HMGCS2: variants seen among roughly 807,000 people sequenced by gnomAD.
HMGCS2 encodes the protein hydroxymethylglutaryl-CoA synthase, mitochondrial.
In HMGCS2, 50 loss-of-function variants were observed where a neutral mutation model predicts 57.4. The ratio of observed to expected loss-of-function variants is 0.87; its 90% CI spans 0.69 to 1.10. The LOEUF (loss-of-function observed/expected upper bound fraction) is 1.10, where lower values mean the gene tolerates loss of function less well. Ranked by LOEUF, HMGCS2 falls within the 50% of genes least tolerant of loss-of-function variation. The pLI is 0.00. For missense variants in HMGCS2, 627 were observed against 636.5 expected (o/e 0.99, Z 0.16); for synonymous variants, 254 against 245.1 (o/e 1.04, Z -0.34).
In HMGCS2 at chr1:119,764,197, G is replaced by A. The variant is rs752729912; in HGVS notation, c.534C>T (p.Asn178=). 7.4e-6 allele frequency: 12 copies of A among 1,613,604 alleles called. No individual in the cohort carries two copies. In the South Asian group the frequency reaches 1.2e-4, roughly 16 times the overall value. Residue 178 remains asparagine, a synonymous_variant, in exon 2 of 10, where the codon AAC becomes AAT. Transcript: ENST00000369406. ...GGTASLFNAA[N]WMESSSWDGR... ...CATCCCAGGAACTGGACTCCATCCA[G>A]TTGGCAGCATTGAAGAGGGAGGCAG...
chr1:119,757,237 T>C, intron 5 of HMGCS2, 36 bp downstream of exon 5: 1 of 1,613,732 alleles, frequency 6.2e-7, no homozygotes, highest in Non-Finnish European at 8.5e-7. Context: ...TGCTCACACC[T>C]CACCAGCCTC....
intron 2 of HMGCS2, 24 bp downstream of exon 2, chr1:119,764,148 C>G: frequency 6.2e-7 from 1 of 1,603,370 alleles, no homozygotes; most frequent in East Asian, 2.2e-5. Context: ...ACCTTTCTTA[C>G]ATAAGGTTCG....
At chr1:119,751,726 T>C (rs587675989) in intron 8 of HMGCS2, among the ~76,000 whole-genome samples, 6 of 152,284 alleles carry the variant, frequency 3.9e-5, no homozygotes, top group Admixed American at 2.6e-4. Context: ...ATTTTCATTG[T>C]CTTTCTTTGC....
At position 119,752,572 on chromosome 1, in the gene HMGCS2, T is replaced by A; in HGVS notation, c.1397A>T (p.Gln466Leu). ...ACCCTTATGGTAGAATTGCTCTCTTTGGTTCATTATTTCTGTGAACTCCTC... is the reference window on the plus strand; with the variant it reads ...ACCCTTATGGTAGAATTGCTCTCTTAGGTTCATTATTTCTGTGAACTCCTC... ...SPEEFTEIMN[Q>L]REQFYHKVNF... Residue 466 changes from glutamine to leucine, a missense_variant, in exon 8 of 10, where the codon CAA (glutamine) becomes CTA (leucine). Coordinates refer to ENST00000369406, the MANE Select transcript of HMGCS2 (RefSeq NM_005518.4). 1 of 1,614,172 alleles carries A rather than the reference T, an allele frequency of 6.2e-7. No homozygotes were observed. The highest frequency in any genetic ancestry group is 8.5e-7 in the Non-Finnish European group (1 of 1,180,016).
chr1:119,752,247 C>T (rs1411610205), intron 8 of HMGCS2, among the ~76,000 whole-genome samples: 2 of 152,162 alleles, frequency 1.3e-5, no homozygotes, highest in Non-Finnish European at 2.9e-5. Flanking sequence ...ACTCTTTCAA[C>T]TGTTGCAGAT....
chr1:119,767,055 G>A (rs1297735266), intron 1 of HMGCS2, among the ~76,000 whole-genome samples: 5 of 152,082 alleles, frequency 3.3e-5, no homozygotes, highest in African/African-American at 9.7e-5. Flanking sequence ...CTTCCCTTGT[G>A]TTTCAAAATT....
rs1652953530 is a variant in HMGCS2 at position 119,759,217 on chromosome 1, G to C, written c.751C>G (p.Pro251Ala). The change falls in exon 4 of 10, where the codon CCA (proline) becomes GCA (alanine). Residue 251 changes from proline to alanine, a missense_variant. Pro to Ala is a conservative substitution (Grantham distance 27). Transcript: ENST00000369406. The part of the protein sequence containing the change: ...FYKPNLASEY[P>A]IVDGKLSIQC... ...ATGGAAAGCTTCCCATCCACTATTG[G>C]GTACTCCGAGGCCAAATTTGGTTTG... 6.2e-7 allele frequency: 1 copy of C among 1,614,044 alleles called. No individual in the cohort carries two copies. Among genetic ancestry groups the C allele is most frequent in the East Asian group, 2.2e-5 (1 of 44,882 alleles).
In HMGCS2 at chr1:119,752,432, C is replaced by A. The variant is rs1571030385; in HGVS notation, c.1420+117G>T. 7 of 1,142,332 alleles carry A rather than the reference C, an allele frequency of 6.1e-6. No individual in the cohort carries two copies. The East Asian group carries it at 1.7e-4, about 27-fold the overall frequency. The allele number at this position is 1,142,332 out of a possible 1,614,324, so 70.8% of individuals were successfully genotyped here. On this transcript the variant is annotated intron_variant, in intron 8 of 9. Transcript: ENST00000369406. ...GATCTTCTAGCAAATCTTCTCCCAA[C>A]CATATCTCGTAAAAGTCTTGACCCT...
intron 5 of HMGCS2, among the ~76,000 whole-genome samples, chr1:119,757,019 C>T (rs1477332913): frequency 7.1e-6 from 1 of 140,110 alleles, no homozygotes; most frequent in Non-Finnish European, 1.6e-5. Context: ...TTTCTTTATC[C>T]TCTGTAGTTT....
rs767113695 is a variant in HMGCS2 at position 119,759,214 on chromosome 1, T to C, written c.754A>G (p.Ile252Val). 44 of 1,614,002 alleles carry C rather than the reference T, an allele frequency of 2.7e-5. No individual in the cohort carries two copies. Among genetic ancestry groups the C allele is most frequent in the Non-Finnish European group, 3.6e-5 (42 of 1,179,960 alleles). ...TGGATGGAAAGCTTCCCATCCACTA[T>C]TGGGTACTCCGAGGCCAAATTTGGT... ...YKPNLASEYP[I>V]VDGKLSIQCY... The change falls in exon 4 of 10, where the codon ATA becomes GTA. Residue 252 changes from isoleucine to valine, a missense_variant. Transcript: ENST00000369406.
intron 4 of HMGCS2, among the ~76,000 whole-genome samples, chr1:119,757,736 C>T (rs748514816): frequency 6.6e-6 from 1 of 152,150 alleles, no homozygotes; most frequent in African/African-American, 2.4e-5. Flanking sequence ...GAGGAGGAAC[C>T]GGTCTACAAA....
At position 119,768,754 on chromosome 1, in the gene HMGCS2, C is replaced by T. The variant is rs1244351356; in HGVS notation, c.91G>A (p.Val31Ile). 3 of 1,613,474 alleles carry T rather than the reference C, an allele frequency of 1.9e-6. No homozygotes were observed. The highest frequency in any genetic ancestry group is 2.5e-6 in the Non-Finnish European group (3 of 1,179,414). ...TSLTPARLLP[V>I]AHQRFSTASA... The stretch of plus-strand genomic sequence containing the variant: ...AAAGTGACTCACCTTTGGTGGGCTA[C>T]TGGGAGCAGGCGAGCAGGTGTGAGG... The change falls in exon 1 of 10, where the codon GTA (valine) becomes ATA (isoleucine). Residue 31 changes from valine to isoleucine, a missense_variant. Coordinates refer to ENST00000369406, the MANE Select transcript of HMGCS2 (RefSeq NM_005518.4).
intron 9 of HMGCS2, among the ~76,000 whole-genome samples, chr1:119,750,300 A>G (rs1652606991): frequency 6.6e-6 from 1 of 152,156 alleles, no homozygotes; most frequent in African/African-American, 2.4e-5. Context: ...AGATCTGTTG[A>G]TCTCATCCCC....
At chr1:119,759,431 A>C in intron 3 of HMGCS2, 149 bp from the exon 4 acceptor site, 1 of 776,374 alleles carries the variant, frequency 1.3e-6, no homozygotes, top group South Asian at 1.5e-5. Context: ...TGCATATTCA[A>C]AAGGAGTTGG....
At position 119,759,876 on chromosome 1, in the gene HMGCS2, C is replaced by T. The variant is rs1284518599; in HGVS notation, c.673G>A (p.Ala225Thr). 1.2e-6 allele frequency: 2 copies of T among 1,614,182 alleles called. No homozygotes were observed. The highest frequency in any genetic ancestry group is 1.6e-4 in the Middle Eastern group (1 of 6,062). The change falls in exon 3 of 10, where the codon GCC becomes ACC. Residue 225 changes from alanine to threonine, a missense_variant. By Grantham distance (58) the Ala-to-Thr change is moderately conservative. Transcript: ENST00000369406. ...GATTACTACAAACCTCGCTCCAGGG[C>T]CAGAGGGGCCTTGGGCCCAATCAGC... ...AMLIGPKAPLALERGLRGTHM... is the reference protein window; with the variant it reads ...AMLIGPKAPLTLERGLRGTHM...
At chr1:119,751,356 T>C (rs1209907495) in intron 8 of HMGCS2, among the ~76,000 whole-genome samples, 2 of 151,016 alleles carry the variant, frequency 1.3e-5, no homozygotes, top group Non-Finnish European at 3.0e-5. Context: ...GTCCTATTTT[T>C]CTTTTCTTCT....
At chr1:119,762,078 T>C (rs1653063902) in intron 2 of HMGCS2, among the ~76,000 whole-genome samples, 1 of 152,196 alleles carries the variant, frequency 6.6e-6, no homozygotes, top group Non-Finnish European at 1.5e-5. Flanking sequence ...TATTGTACAA[T>C]GTTCATTAAA....
At chr1:119,765,169 C>A (rs1228556428) in intron 1 of HMGCS2, among the ~76,000 whole-genome samples, 1 of 152,180 alleles carries the variant, frequency 6.6e-6, no homozygotes, top group Non-Finnish European at 1.5e-5. Context: ...AGTGCAGTGG[C>A]GTGATCTCTG....
chr1:119,759,480 C>T (rs1652962805), intron 3 of HMGCS2, 198 bp from the exon 4 acceptor site: 3 of 637,404 alleles, frequency 4.7e-6, no homozygotes, highest in Non-Finnish European at 8.3e-6. Context: ...TGTATATTTC[C>T]CTTTCCTCAC....
Sources: gnomAD v4.1 joint callset for allele counts (sites outside exome capture counted in the v4.1 genomes callset) on GRCh38, gnomAD v4.1.1 for gene constraint, MANE v1.5 for transcripts, NCBI Gene and HGNC (gene_info 2026-07-23, HGNC 2026-07-21) for gene names.